GALNTL6: variants seen among roughly 807,000 people sequenced by gnomAD.
GALNTL6 encodes polypeptide N-acetylgalactosaminyltransferase like 6.
Under a neutral mutation model 73.7 loss-of-function variants are expected in GALNTL6, and 46 were observed. That is an observed-to-expected ratio of 0.62 (90% CI 0.49 to 0.80). The LOEUF (loss-of-function observed/expected upper bound fraction) is 0.80. GALNTL6 is among the 30% of genes least tolerant of loss of function. The pLI is 0.00. For synonymous variants in GALNTL6, 259 were observed against 263.7 expected, an observed-to-expected ratio of 0.98 and a Z score of 0.17; for missense variants, 604 against 755.0, an observed-to-expected ratio of 0.80 and a Z score of 2.34.
chr4:171,880,323 TA>T (rs1736402790), intron 2 of GALNTL6, among the ~76,000 whole-genome samples: 1 of 152,240 alleles, frequency 6.6e-6, no homozygotes, highest in South Asian at 2.1e-4. Context: ...GGAATGCCAG[TA>T]ATGTTTCCTG....
intron 2 of GALNTL6, among the ~76,000 whole-genome samples, chr4:171,910,392 A>T (rs1005889729): frequency 6.6e-6 from 1 of 152,192 alleles, no homozygotes; most frequent in Non-Finnish European, 1.5e-5. Flanking sequence ...GTGATAAAAA[A>T]AAGACCCAAA....
intron 5 of GALNTL6, among the ~76,000 whole-genome samples, chr4:172,400,248 C>A (rs560374706): frequency 6.6e-6 from 1 of 152,262 alleles, no homozygotes; most frequent in Admixed American, 6.5e-5. Flanking sequence ...CAAAGATCAA[C>A]AGAAGTTTCT....
chr4:172,787,190 G>A lies in GALNTL6; in HGVS notation c.554-22171G>A, dbSNP rs1739709699. Among the ~76,000 whole-genome samples, 3 of 152,306 alleles carry A rather than the reference G, an allele frequency of 2.0e-5. No individual in the cohort carries two copies. In the South Asian group the frequency reaches 6.2e-4, roughly 32 times the overall value. ...GAAAGTGGTCAAGGTGGGGAGAAGT[G>A]CAGATTTCAAACCATAATGACCTCG... On this transcript the variant is annotated intron_variant, in intron 5 of 12. Transcript: ENST00000506823.
At chr4:172,194,050 G>A (rs1225230799) in intron 2 of GALNTL6, among the ~76,000 whole-genome samples, 2 of 152,134 alleles carry the variant, frequency 1.3e-5, no homozygotes, top group African/African-American at 2.4e-5. Flanking sequence ...TGAGCTACAG[G>A]AGTATGTTCT....
chr4:172,574,556 A>G (rs933516383), intron 5 of GALNTL6, among the ~76,000 whole-genome samples: 4 of 151,838 alleles, frequency 2.6e-5, no homozygotes, highest in African/African-American at 9.7e-5. Flanking sequence ...AGATCCTCTA[A>G]TAAGCAAACA....
intron 2 of GALNTL6, among the ~76,000 whole-genome samples, chr4:171,978,854 T>TTAGA (rs10694807): frequency 0.082 from 12,423 of 152,184 alleles, 1,399 homozygotes; most frequent in African/African-American, 0.26. Context: ...CTGGAATATT[T>TTAGA]TAGATAGATG....
chr4:172,389,525 A>G (rs1489183692), intron 5 of GALNTL6, among the ~76,000 whole-genome samples: 1 of 152,120 alleles, frequency 6.6e-6, no homozygotes, highest in Admixed American at 6.5e-5. Context: ...AAATTGTAAT[A>G]AGTTCTGTTT....
chr4:171,880,305 G>T (rs1736402364), intron 2 of GALNTL6, among the ~76,000 whole-genome samples: 1 of 152,148 alleles, frequency 6.6e-6, no homozygotes, highest in Non-Finnish European at 1.5e-5. Flanking sequence ...CTCTAAGTAG[G>T]TCTCTAAGGA....
chr4:172,322,525 C>A (rs564545277), intron 4 of GALNTL6, among the ~76,000 whole-genome samples: 2 of 152,148 alleles, frequency 1.3e-5, no homozygotes, highest in South Asian at 4.1e-4. Context: ...GTTTTAATTG[C>A]CTCATGGTTC....
intron 5 of GALNTL6, among the ~76,000 whole-genome samples, chr4:172,567,934 G>C (rs1280209902): frequency 6.6e-6 from 1 of 152,162 alleles, no homozygotes; most frequent in Non-Finnish European, 1.5e-5. Context: ...TTAGTTGGGA[G>C]TCATATGGGC....
At chr4:172,069,516 T>TGATATGTATGACACA (rs1560909451) in intron 2 of GALNTL6, among the ~76,000 whole-genome samples, 1 of 43,366 alleles carries the variant, frequency 2.3e-5, no homozygotes, top group African/African-American at 6.3e-5. Flanking sequence ...CACATATATG[T>TGATATGTATGACACA]TATATGTATA....
At chr4:171,974,559 A>G (rs1430891123) in intron 2 of GALNTL6, among the ~76,000 whole-genome samples, 1 of 152,178 alleles carries the variant, frequency 6.6e-6, no homozygotes, top group Non-Finnish European at 1.5e-5. Context: ...TTTTCCACAT[A>G]TTGGACACAT....
At chr4:172,128,184 A>G (rs1340186247) in intron 2 of GALNTL6, among the ~76,000 whole-genome samples, 1 of 152,202 alleles carries the variant, frequency 6.6e-6, no homozygotes, top group African/African-American at 2.4e-5. Context: ...TTCAATTTTT[A>G]TTTTGACAAA....
At chr4:172,986,812 G>A (rs911956573) in intron 10 of GALNTL6, among the ~76,000 whole-genome samples, 2 of 152,194 alleles carry the variant, frequency 1.3e-5, no homozygotes, top group African/African-American at 2.4e-5. Flanking sequence ...GAAGGCTGTG[G>A]TAATTTGACA....
intron 5 of GALNTL6, among the ~76,000 whole-genome samples, chr4:172,767,740 G>T (rs1044752379): frequency 3.6e-5 from 5 of 140,012 alleles, no homozygotes; most frequent in Non-Finnish European, 7.5e-5. Flanking sequence ...CTCCATCTCA[G>T]CTCACTGCAA....
intron 5 of GALNTL6, among the ~76,000 whole-genome samples, chr4:172,803,454 C>A (rs1395676701): frequency 6.6e-6 from 1 of 152,304 alleles, no homozygotes; most frequent in East Asian, 1.9e-4. Flanking sequence ...CCCTCCCCAG[C>A]CCCCATGGAA....
intron 2 of GALNTL6, among the ~76,000 whole-genome samples, chr4:172,024,362 A>C (rs1741492429): frequency 6.6e-6 from 1 of 151,788 alleles, no homozygotes; most frequent in Non-Finnish European, 1.5e-5. Flanking sequence ...TGAAAATATT[A>C]TTACTGTTTA....
intron 5 of GALNTL6, among the ~76,000 whole-genome samples, chr4:172,658,170 G>A (rs148689462): frequency 0.049 from 1,858 of 37,984 alleles, 1 homozygote; most frequent in Non-Finnish European, 0.063. Flanking sequence ...AAAAAAAAAA[G>A]AAATATCTTT....
At chr4:172,580,823 A>G (rs1375576682) in intron 5 of GALNTL6, among the ~76,000 whole-genome samples, 1 of 152,162 alleles carries the variant, frequency 6.6e-6, no homozygotes, top group African/African-American at 2.4e-5. Flanking sequence ...CTTTTTGCCC[A>G]GACTGGAGTG....
Sources: allele counts gnomAD v4.1 joint callset (sites outside exome capture counted in the v4.1 genomes callset), GRCh38; gene constraint gnomAD v4.1.1; transcripts MANE v1.5; gene names NCBI Gene and HGNC (gene_info 2026-07-23, HGNC 2026-07-21).